The following INPP4B variants were observed in gnomAD, a reference collection of about 807,000 sequenced individuals.
The protein encoded by INPP4B is inositol polyphosphate 4-phosphatase type II.
A neutral mutation model predicts 122.5 loss-of-function variants in INPP4B; 55 were observed. That is an observed-to-expected ratio of 0.45 (90% CI 0.36 to 0.56). INPP4B has a LOEUF of 0.56. Ranked by LOEUF, INPP4B falls within the 20% of genes least tolerant of loss-of-function variation. The pLI is 0.00. For synonymous variants in INPP4B, 403 were observed against 388.7 expected (o/e 1.04, Z -0.43); for missense variants, 1,000 against 1,097.7 (o/e 0.91, Z 1.26).
At chr4:142,815,943 C>T (rs1306938772) in intron 1 of INPP4B, among the ~76,000 whole-genome samples, 4 of 152,092 alleles carry the variant, frequency 2.6e-5, no homozygotes, top group Non-Finnish European at 5.9e-5. Context: ...CACTGTAGGC[C>T]TTGTCCACTT....
At chr4:142,251,145 A>G (rs548907826) in intron 11 of INPP4B, among the ~76,000 whole-genome samples, 1 of 152,094 alleles carries the variant, frequency 6.6e-6, no homozygotes, top group Non-Finnish European at 1.5e-5. Flanking sequence ...TTTTAAAGTA[A>G]TGTTTCTCTT....
intron 2 of INPP4B, among the ~76,000 whole-genome samples, chr4:142,696,880 T>G (rs1761103119): frequency 6.6e-6 from 1 of 152,190 alleles, no homozygotes; most frequent in African/African-American, 2.4e-5. Flanking sequence ...TTTTACTTGT[T>G]TTTATAACAG....
At chr4:142,200,414 C>G (rs1055409121) in intron 14 of INPP4B, among the ~76,000 whole-genome samples, 8 of 151,976 alleles carry the variant, frequency 5.3e-5, no homozygotes, top group Admixed American at 6.6e-5. Flanking sequence ...GTTTAGAAAT[C>G]AAGCACTGAG....
chr4:142,563,290 G>C (rs552556127), intron 2 of INPP4B, among the ~76,000 whole-genome samples: 1 of 152,212 alleles, frequency 6.6e-6, no homozygotes, highest in South Asian at 2.1e-4. Flanking sequence ...TGAGAGTGTT[G>C]GCTTCATTTT....
intron 25 of INPP4B, among the ~76,000 whole-genome samples, chr4:142,081,098 A>G (rs1017216269): frequency 6.6e-6 from 1 of 152,318 alleles, no homozygotes; most frequent in Admixed American, 6.5e-5. Context: ...GTGAGAAAAC[A>G]CAGAGGCATA....
Position 142,665,048 on chromosome 4 carries a change from A to G in INPP4B, c.-191+60791T>C, listed in dbSNP as rs114717217. 5.1e-3 allele frequency among the ~76,000 whole-genome samples: 777 copies of G among 152,334 alleles called. 5 individuals are homozygous for G. The highest frequency in any genetic ancestry group is 8.4e-3 in the Admixed American group (128 of 15,302). ...CACAATTAAGCATTTGTATATCTAA[A>G]CATATCTAAACATGGAAAACGTACA... On this transcript the variant is annotated intron_variant, in intron 2 of 25. Coordinates refer to ENST00000262992, the MANE Select transcript of INPP4B (RefSeq NM_001101669.3).
chr4:142,630,169 A>T (rs1421044680), intron 2 of INPP4B, among the ~76,000 whole-genome samples: 1 of 152,078 alleles, frequency 6.6e-6, no homozygotes, highest in Non-Finnish European at 1.5e-5. Context: ...GCATCTAAAG[A>T]ACAGAAGAGG....
At chr4:142,502,488 ATTAT>A (rs1434397913) in intron 2 of INPP4B, among the ~76,000 whole-genome samples, 1 of 151,818 alleles carries the variant, frequency 6.6e-6, no homozygotes, top group African/African-American at 2.4e-5. Context: ...CTCTGCCTTT[ATTAT>A]TTATTTATTT....
chr4:142,677,353 G>C (rs981310066), intron 2 of INPP4B, among the ~76,000 whole-genome samples: 1 of 152,244 alleles, frequency 6.6e-6, no homozygotes, highest in East Asian at 1.9e-4. Flanking sequence ...ACAGATGCTG[G>C]AGAGGGTGGG....
At chr4:142,508,225 C>T (rs1338074073) in intron 2 of INPP4B, among the ~76,000 whole-genome samples, 1 of 152,060 alleles carries the variant, frequency 6.6e-6, no homozygotes, top group East Asian at 1.9e-4. Context: ...CAGCCTTGCC[C>T]CTACAATCCT....
At chr4:142,195,625 T>C (rs1055338383) in intron 14 of INPP4B, among the ~76,000 whole-genome samples, 2 of 152,144 alleles carry the variant, frequency 1.3e-5, no homozygotes, top group African/African-American at 4.8e-5. Context: ...TTTTAAAAAA[T>C]GTAGACATAT....
rs2149357722 is a variant in INPP4B at position 142,193,090 on chromosome 4, C to T, written c.1178G>A (p.Arg393Lys). The change falls in exon 15 of 26, where the codon AGA (arginine) becomes AAA (lysine). Residue 393 changes from arginine (R) to lysine (K), a missense_variant. Arg to Lys is a conservative substitution (Grantham distance 26, BLOSUM62 2). Coordinates refer to ENST00000262992, the MANE Select transcript of INPP4B (RefSeq NM_001101669.3). ...KLLHRFETERRNTGYQFIYYS... is the reference protein window; with the variant it reads ...KLLHRFETERKNTGYQFIYYS... ...CTTTCCTCCTGTCTTTACTTACTTT[C>T]TTCTTTCTGTTTCAAATCTATGGAG... The T allele has an allele frequency of 6.3e-7, 1 of 1,586,556 alleles. No homozygotes were observed. The highest frequency in any genetic ancestry group is 8.7e-7 in the Non-Finnish European group (1 of 1,155,110).
At chr4:142,201,390 C>A (rs1840569066) in intron 14 of INPP4B, among the ~76,000 whole-genome samples, 1 of 152,054 alleles carries the variant, frequency 6.6e-6, no homozygotes, top group Non-Finnish European at 1.5e-5. Flanking sequence ...ATGAAAGTTG[C>A]AAATTTATTA....
At position 142,088,449 on chromosome 4, in the gene INPP4B, G is replaced by A. The variant is rs573540251; in HGVS notation, c.2375-2193C>T. Among the ~76,000 whole-genome samples, 10 of 152,270 alleles carry A rather than the reference G, an allele frequency of 6.6e-5. No individual in the cohort carries two copies. In the East Asian group the frequency reaches 1.9e-3, roughly 29 times the overall value. ...CATAGAAAGTGTCCTTGACATTGCT[G>A]AAAAGAAGAATTGGCCAGATTAATG... On this transcript the variant is annotated intron_variant, in intron 23 of 25. Coordinates refer to ENST00000262992, the MANE Select transcript of INPP4B (RefSeq NM_001101669.3).
chr4:142,505,145 A>G (rs946728062), intron 2 of INPP4B, among the ~76,000 whole-genome samples: 1 of 151,836 alleles, frequency 6.6e-6, no homozygotes, highest in Non-Finnish European at 1.5e-5. Context: ...GTGCTGAGGC[A>G]AGAGGATCCC....
chr4:142,405,689 G>A (rs1221498082), intron 5 of INPP4B, among the ~76,000 whole-genome samples: 1 of 152,120 alleles, frequency 6.6e-6, no homozygotes, highest in Non-Finnish European at 1.5e-5. Context: ...GTTGATTTGG[G>A]CCATATCTGG....
At chr4:142,366,113 A>G (rs1787368447) in intron 7 of INPP4B, among the ~76,000 whole-genome samples, 1 of 152,060 alleles carries the variant, frequency 6.6e-6, no homozygotes, top group African/African-American at 2.4e-5. Flanking sequence ...TGATCAATGT[A>G]CTTTGTAATC....
intron 7 of INPP4B, among the ~76,000 whole-genome samples, chr4:142,363,951 C>T (rs1309570357): frequency 6.6e-6 from 1 of 152,048 alleles, no homozygotes; most frequent in Non-Finnish European, 1.5e-5. Flanking sequence ...CAGCTGCTCC[C>T]ATCCTTGGGC....
At chr4:142,824,128 C>T in intron 1 of INPP4B, among the ~76,000 whole-genome samples, 1 of 151,966 alleles carries the variant, frequency 6.6e-6, no homozygotes, top group Non-Finnish European at 1.5e-5. Context: ...AACCATGGCC[C>T]CCCCAGGTTC....
Sources: allele counts gnomAD v4.1 joint callset (sites outside exome capture counted in the v4.1 genomes callset), GRCh38; gene constraint gnomAD v4.1.1; transcripts MANE v1.5; gene names NCBI Gene and HGNC (gene_info 2026-07-23, HGNC 2026-07-21).